The following SFT2D2 variants were observed in gnomAD, a reference collection of about 807,000 sequenced individuals.
The protein encoded by SFT2D2 is SFT2 domain containing 2, also known as vesicle transport protein SFT2B.
SFT2D2 carries 21 observed loss-of-function variants against 27.4 expected under a neutral mutation model. The ratio of observed to expected loss-of-function variants is 0.77; its 90% CI spans 0.54 to 1.10. SFT2D2 has a LOEUF of 1.10. Ranked by LOEUF, SFT2D2 falls within the 50% of genes least tolerant of loss-of-function variation. SFT2D2 has a pLI of 0.00. For synonymous variants in SFT2D2, 72 were observed against 71.7 expected (o/e 1.00, Z -0.02); for missense variants, 187 against 194.2 (o/e 0.96, Z 0.22).
Position 168,242,544 on chromosome 1 carries a change from A to C in SFT2D2, c.*4A>C. 1 of 1,614,102 alleles carries C rather than the reference A, an allele frequency of 6.2e-7. No individual in the cohort carries two copies. Among genetic ancestry groups the C allele is most frequent in the Non-Finnish European group, 8.5e-7 (1 of 1,180,004 alleles). Reference sequence around the variant, plus strand: ...TTTTGCCGTGTGTCTTGCATAATTCATGGCCAGTTTTATGAAGCTTTGGAA... The same window carrying C: ...TTTTGCCGTGTGTCTTGCATAATTCCTGGCCAGTTTTATGAAGCTTTGGAA... On this transcript the variant is annotated 3_prime_UTR_variant, in exon 8 of 8. Coordinates refer to ENST00000271375, the MANE Select transcript of SFT2D2 (RefSeq NM_199344.3).
chr1:168,246,655 T>C lies in SFT2D2; in HGVS notation c.*4115T>C. 7.5e-7 allele frequency: 1 copy of C among 1,332,694 alleles called. No individual in the cohort carries two copies. Among genetic ancestry groups the C allele is most frequent in the Non-Finnish European group, 1.1e-6 (1 of 943,900 alleles). The allele number at this position is 1,332,694 out of a possible 1,614,324, so 82.6% of individuals were successfully genotyped here. A position where few individuals can be genotyped will look rare whatever the true frequency, so the allele number is the denominator to read the frequency against. On this transcript the variant is annotated 3_prime_UTR_variant, in exon 8 of 8. Transcript: ENST00000271375. ...AAGCTCTTGGTCTCTTTCTGTTGAG[T>C]GACTTTGATCATGATCATGTAGAGC...
intron 1 of SFT2D2, 29 bp downstream of exon 1, chr1:168,226,171 T>C: frequency 6.6e-7 from 1 of 1,521,898 alleles, no homozygotes; most frequent in Admixed American, 2.1e-5. Flanking sequence ...GTCGGCCCCC[T>C]CTCGCCGCGC....
chr1:168,228,852 A>G (rs1373088432), intron 1 of SFT2D2, among the ~76,000 whole-genome samples: 1 of 152,192 alleles, frequency 6.6e-6, no homozygotes, highest in Non-Finnish European at 1.5e-5. Context: ...TCTAATTTCC[A>G]AAAACAATAT....
chr1:168,232,988 G>A (rs1440505534), intron 3 of SFT2D2, among the ~76,000 whole-genome samples: 1 of 152,150 alleles, frequency 6.6e-6, no homozygotes, highest in Non-Finnish European at 1.5e-5. Flanking sequence ...ATTTTCCACT[G>A]AGCTGTAGAG....
At position 168,243,274 on chromosome 1, in the gene SFT2D2, G is replaced by A. The variant is rs1321225156; in HGVS notation, c.*734G>A. The A allele has an allele frequency of 9.8e-6, 1 of 102,412 alleles. No homozygotes were observed. Among genetic ancestry groups the A allele is most frequent in the Non-Finnish European group, 2.5e-5 (1 of 39,684 alleles). 6.3% of individuals were successfully genotyped at this position (102,412 alleles called of 1,614,324 possible). On this transcript the variant is annotated 3_prime_UTR_variant, in exon 8 of 8. Coordinates refer to ENST00000271375, the MANE Select transcript of SFT2D2 (RefSeq NM_199344.3). ...GACCTCCTGGCACTAGATGGGGAAA[G>A]AACAGAGCAGCAGCAGAAAATGCTG...
intron 6 of SFT2D2, 82 bp from the exon 7 acceptor site, chr1:168,239,049 T>C: frequency 9.4e-7 from 1 of 1,060,214 alleles, no homozygotes; most frequent in Non-Finnish European, 1.5e-6. Flanking sequence ...GCAGGTATTC[T>C]TACAGCTCAG....
rs1647806897 is a variant in SFT2D2 at position 168,246,187 on chromosome 1, G to C, written c.*3647G>C. The C allele has an allele frequency of 7.7e-6, 2 of 260,296 alleles. No homozygotes were observed. Among genetic ancestry groups the C allele is most frequent in the African/African-American group, 4.7e-5 (2 of 42,858 alleles). 16.1% of individuals were successfully genotyped at this position (260,296 alleles called of 1,614,324 possible). On this transcript the variant is annotated 3_prime_UTR_variant, in exon 8 of 8. Coordinates refer to ENST00000271375, the MANE Select transcript of SFT2D2 (RefSeq NM_199344.3). ...GATTAACTTTATTGATCATCCTCTT[G>C]TTCTTCTAGCAAAAGACGGTGCTTT...
At chr1:168,226,328 CCTTTTCT>C (rs901535033) in intron 1 of SFT2D2, among the ~76,000 whole-genome samples, 186 bp downstream of exon 1, 3 of 151,894 alleles carry the variant, frequency 2.0e-5, no homozygotes, top group African/African-American at 7.3e-5. Context: ...GCCGCGGCGT[CCTTTTCT>C]GCCCCGCGCC....
intron 7 of SFT2D2, among the ~76,000 whole-genome samples, chr1:168,241,197 C>G (rs932752066): frequency 1.5e-5 from 2 of 130,458 alleles, no homozygotes; most frequent in Non-Finnish European, 3.3e-5. Flanking sequence ...AGATCCCACC[C>G]TTCTATTCTT....
chr1:168,237,090 G>C (rs1395829679), intron 6 of SFT2D2, among the ~76,000 whole-genome samples: 1 of 152,144 alleles, frequency 6.6e-6, no homozygotes, highest in African/African-American at 2.4e-5. Flanking sequence ...GTAAGTGCAA[G>C]GACAACAAAA....
At chr1:168,231,809 G>T in intron 2 of SFT2D2, 25 bp from the exon 3 acceptor site, 1 of 1,611,182 alleles carries the variant, frequency 6.2e-7, no homozygotes, top group Non-Finnish European at 8.5e-7. Context: ...TTGCTCATGT[G>T]CAAACACTGT....
intron 7 of SFT2D2, among the ~76,000 whole-genome samples, chr1:168,239,830 CT>C (rs71557622): frequency 0.25 from 35,184 of 139,430 alleles, 5,270 homozygotes; most frequent in African/African-American, 0.44. Flanking sequence ...AACTTCTGTT[CT>C]TTTTTTTTTT....
At chr1:168,228,931 AAG>A (rs1288496930) in intron 1 of SFT2D2, among the ~76,000 whole-genome samples, 3 of 152,222 alleles carry the variant, frequency 2.0e-5, no homozygotes, top group Non-Finnish European at 2.9e-5. Context: ...ATTTGGCAAA[AAG>A]AAGTGTTTTG....
At chr1:168,238,433 A>C (rs1198895254) in intron 6 of SFT2D2, among the ~76,000 whole-genome samples, 1 of 151,968 alleles carries the variant, frequency 6.6e-6, no homozygotes, top group Non-Finnish European at 1.5e-5. Flanking sequence ...AGGTGGGAGG[A>C]TTGCTTGAAG....
chr1:168,228,444 T>A (rs1399607705), intron 1 of SFT2D2, among the ~76,000 whole-genome samples: 1 of 152,206 alleles, frequency 6.6e-6, no homozygotes, highest in Non-Finnish European at 1.5e-5. Flanking sequence ...TTCTCCTACC[T>A]CTCCTAGGTA....
chr1:168,238,568 C>T (rs1462734969), intron 6 of SFT2D2, among the ~76,000 whole-genome samples: 3 of 151,934 alleles, frequency 2.0e-5, no homozygotes, highest in East Asian at 1.9e-4. Context: ...GTAGTCCCAG[C>T]AATTCTGGAG....
At position 168,244,733 on chromosome 1, in the gene SFT2D2, A is replaced by AGG. The variant is rs1393375474; in HGVS notation, c.*2195_*2196dup. 6.6e-6 allele frequency: 1 copy of AGG among 152,160 alleles called. No homozygotes were observed. The highest frequency in any genetic ancestry group is 1.5e-5 in the Non-Finnish European group (1 of 68,072). 9.4% of individuals were successfully genotyped at this position (152,160 alleles called of 1,614,324 possible). On this transcript the variant is annotated 3_prime_UTR_variant, in exon 8 of 8. Coordinates refer to ENST00000271375, the MANE Select transcript of SFT2D2 (RefSeq NM_199344.3). ...CAGAAGGGACATGGAGGAGGTCAGG[A>AGG]GGGCTCATGGTTCCTTTTCTTTAGA...
At position 168,242,711 on chromosome 1, in the gene SFT2D2, T is replaced by G; in HGVS notation, c.*171T>G. On this transcript the variant is annotated 3_prime_UTR_variant, in exon 8 of 8. Coordinates refer to ENST00000271375, the MANE Select transcript of SFT2D2 (RefSeq NM_199344.3). ...GTTACTTTTGGAAGCAACAATACAT[T>G]CTCGAACCTGAATGTCAGTAGCACA... The G allele has an allele frequency of 1.3e-6, 1 of 743,560 alleles. No homozygotes were observed. Among genetic ancestry groups the G allele is most frequent in the Non-Finnish European group, 2.3e-6 (1 of 434,932 alleles). 46.1% of individuals were successfully genotyped at this position (743,560 alleles called of 1,614,324 possible).
At chr1:168,233,667 T>C (rs982006672) in intron 3 of SFT2D2, among the ~76,000 whole-genome samples, 1 of 152,204 alleles carries the variant, frequency 6.6e-6, no homozygotes, top group Non-Finnish European at 1.5e-5. Context: ...GGGCAGACAG[T>C]GTAAGTTACA....
Sources: gnomAD v4.1 joint callset for allele counts (sites outside exome capture counted in the v4.1 genomes callset) on GRCh38, gnomAD v4.1.1 for gene constraint, MANE v1.5 for transcripts, NCBI Gene and HGNC (gene_info 2026-07-23, HGNC 2026-07-21) for gene names.